The following CNTLN variants were observed in gnomAD, a reference collection of about 807,000 sequenced individuals.
CNTLN encodes the protein centlein, centrosomal protein.
CNTLN carries 212 observed loss-of-function variants against 180.0 expected under a neutral mutation model. That is an observed-to-expected ratio of 1.18 (90% confidence interval 1.05 to 1.32). The LOEUF is 1.32. CNTLN is among the 40% of genes most tolerant of loss of function. CNTLN has a pLI of 0.00. For missense variants in CNTLN, 2,095 were observed against 1,610.9 expected (o/e 1.30, Z -5.14); for synonymous variants, 722 against 563.1 (o/e 1.28, Z -3.99).
At chr9:17,493,301 A>G (rs1214667089) in intron 25 of CNTLN, among the ~76,000 whole-genome samples, 1 of 152,194 alleles carries the variant, frequency 6.6e-6, no homozygotes, top group Non-Finnish European at 1.5e-5. Context: ...ATATGTGGGG[A>G]CACAGGTAAT....
intron 12 of CNTLN, among the ~76,000 whole-genome samples, chr9:17,361,275 T>C (rs534796003): frequency 1.4e-4 from 21 of 152,268 alleles, no homozygotes; most frequent in Admixed American, 5.9e-4. Context: ...TGTGTTCTCA[T>C]TGTTCATTTA....
At chr9:17,221,729 G>A (rs909944879) in intron 2 of CNTLN, among the ~76,000 whole-genome samples, 1 of 151,816 alleles carries the variant, frequency 6.6e-6, no homozygotes, top group African/African-American at 2.4e-5. Flanking sequence ...TTCCTGGCCC[G>A]CTTACTATCT....
intron 6 of CNTLN, among the ~76,000 whole-genome samples, chr9:17,276,124 A>G (rs1241082029): frequency 2.0e-5 from 3 of 152,166 alleles, no homozygotes; most frequent in African/African-American, 7.2e-5. Flanking sequence ...TACCCCCTGT[A>G]TCTAACATAA....
chr9:17,145,157 A>T (rs1818370512), intron 2 of CNTLN, among the ~76,000 whole-genome samples: 1 of 152,202 alleles, frequency 6.6e-6, no homozygotes, highest in Admixed American at 6.5e-5. Context: ...ATTTATTAAA[A>T]TGAAGATCTC....
At chr9:17,320,149 T>G (rs1563991178) in intron 8 of CNTLN, among the ~76,000 whole-genome samples, 1 of 152,188 alleles carries the variant, frequency 6.6e-6, no homozygotes, top group Non-Finnish European at 1.5e-5. Context: ...ACAAGATGAG[T>G]TGCAAATTTT....
At chr9:17,183,482 TG>T (rs1314110294) in intron 2 of CNTLN, among the ~76,000 whole-genome samples, 14 of 151,916 alleles carry the variant, frequency 9.2e-5, no homozygotes, top group East Asian at 3.8e-4. Flanking sequence ...TTTTTCTATT[TG>T]TTTTTTTTTT....
intron 18 of CNTLN, among the ~76,000 whole-genome samples, chr9:17,439,202 A>G (rs180999069): frequency 6.6e-6 from 1 of 152,328 alleles, no homozygotes. Context: ...TATTGATAAT[A>G]TCAGTACTTT....
At chr9:17,460,481 G>T (rs1446551638) in intron 19 of CNTLN, among the ~76,000 whole-genome samples, 1 of 151,534 alleles carries the variant, frequency 6.6e-6, no homozygotes, top group Non-Finnish European at 1.5e-5. Flanking sequence ...AAGGAGCTGG[G>T]TTTCGATCAC....
At chr9:17,461,257 A>G (rs1426785388) in intron 19 of CNTLN, among the ~76,000 whole-genome samples, 5 of 151,612 alleles carry the variant, frequency 3.3e-5, no homozygotes, top group Non-Finnish European at 7.4e-5. Context: ...TGAATGAACA[A>G]TCATCAGAGA....
intron 18 of CNTLN, chr9:17,447,205 C>A: frequency 4.6e-6 from 1 of 217,080 alleles, no homozygotes; most frequent in Admixed American, 4.1e-5. Flanking sequence ...TGCCTGTCTG[C>A]ACTCCCATAG....
chr9:17,191,646 C>T (rs887774381), intron 2 of CNTLN, among the ~76,000 whole-genome samples: 12 of 152,252 alleles, frequency 7.9e-5, no homozygotes, highest in African/African-American at 2.9e-4. Context: ...TAATATATGA[C>T]ATTTTTTTGA....
At chr9:17,474,021 C>T (rs901507081) in intron 23 of CNTLN, among the ~76,000 whole-genome samples, 4 of 152,158 alleles carry the variant, frequency 2.6e-5, no homozygotes, top group African/African-American at 9.7e-5. Context: ...CTCTTCCTGA[C>T]AGACATAAGT....
intron 5 of CNTLN, among the ~76,000 whole-genome samples, chr9:17,252,455 A>G (rs985697871): frequency 1.4e-5 from 2 of 142,414 alleles, no homozygotes; most frequent in African/African-American, 5.7e-5. Flanking sequence ...GGATGACATG[A>G]CATCTCATTA....
intron 5 of CNTLN, among the ~76,000 whole-genome samples, chr9:17,268,938 A>G (rs1042041899): frequency 1.3e-5 from 2 of 151,240 alleles, no homozygotes; most frequent in Admixed American, 6.6e-5. Context: ...GCTGTCTGTC[A>G]CCCCTTTCTT....
the CNTLN span, among the ~76,000 whole-genome samples, chr9:17,510,881 A>C: frequency 6.6e-6 from 1 of 152,226 alleles, no homozygotes; most frequent in Non-Finnish European, 1.5e-5. Flanking sequence ...ACTTCTCTAG[A>C]GGAATTACCC....
intron 12 of CNTLN, among the ~76,000 whole-genome samples, chr9:17,364,165 C>T (rs1442941864): frequency 6.6e-6 from 1 of 152,108 alleles, no homozygotes; most frequent in Non-Finnish European, 1.5e-5. Context: ...CATCAGTTCT[C>T]AAATCCTGAG....
chr9:17,522,464 T>G, the CNTLN span, among the ~76,000 whole-genome samples: 1 of 152,234 alleles, frequency 6.6e-6, no homozygotes, highest in Non-Finnish European at 1.5e-5. Context: ...TGACCTTGAT[T>G]CTTCACACCA....
chr9:17,387,852 C>T (rs577853560), intron 13 of CNTLN, among the ~76,000 whole-genome samples: 3 of 149,248 alleles, frequency 2.0e-5, no homozygotes, highest in Non-Finnish European at 4.4e-5. Flanking sequence ...GCTTTTAAGG[C>T]AAAGGGGGAA....
intron 2 of CNTLN, among the ~76,000 whole-genome samples, chr9:17,211,681 C>T (rs1823324454): frequency 6.6e-6 from 1 of 152,108 alleles, no homozygotes; most frequent in Non-Finnish European, 1.5e-5. Context: ...TTCTTCCTAT[C>T]CATGAGCATG....
Sources: gnomAD v4.1 joint callset for allele counts (sites outside exome capture counted in the v4.1 genomes callset) on GRCh38, gnomAD v4.1.1 for gene constraint, MANE v1.5 for transcripts, NCBI Gene and HGNC (gene_info 2026-07-23, HGNC 2026-07-21) for gene names.